Variants in SH3GL1 observed in about 807,000 individuals in gnomAD.
SH3GL1 encodes SH3 domain containing GRB2 like 1, endophilin A2, also known as endophilin-A2.
A neutral mutation model predicts 48.8 loss-of-function variants in SH3GL1; 21 were observed. That is an observed-to-expected ratio of 0.43 (90% CI 0.30 to 0.62). The LOEUF (loss-of-function observed/expected upper bound fraction) is 0.62, where lower values mean the gene tolerates loss of function less well. Among genes scored for constraint, SH3GL1 ranks in the 20% least tolerant of loss-of-function variants. The pLI is 0.11. For synonymous variants in SH3GL1, 282 were observed against 217.5 expected (o/e 1.30, Z -2.61); for missense variants, 454 against 503.0 (o/e 0.90, Z 0.93).
chr19:4,364,298 T>A, intron 4 of SH3GL1, 77 bp from the exon 5 acceptor site: 1 of 1,578,692 alleles, frequency 6.3e-7, no homozygotes, highest in South Asian at 1.1e-5. Context: ...GCCTTTGTTT[T>A]TGAAATAGCG....
intron 1 of SH3GL1, among the ~76,000 whole-genome samples, chr19:4,383,542 A>G (rs1599612553): frequency 6.6e-6 from 1 of 152,058 alleles, no homozygotes. Context: ...CTTTATGCGT[A>G]TTTCCTTAGT....
intron 9 of SH3GL1, 73 bp from the exon 10 acceptor site, chr19:4,361,869 C>G (rs966068326): frequency 1.2e-5 from 13 of 1,129,104 alleles, no homozygotes; most frequent in Non-Finnish European, 1.7e-5. Flanking sequence ...CTCAGACCTG[C>G]TGTGACCTGG....
In SH3GL1 at chr19:4,400,229, TC is replaced by T; in HGVS notation, c.45+94del. ...ACACGCGCCAACGTCCCCACCTCGGTCCCCCCGGCCCCCTCCCGGGCCAGGT... is the reference window on the plus strand; with the variant it reads ...ACACGCGCCAACGTCCCCACCTCGGTCCCCCGGCCCCCTCCCGGGCCAGGT... On this transcript the variant is annotated intron_variant, in intron 1 of 9. Transcript: ENST00000269886. The surrounding 1 kb of genome is among the most constrained non-coding windows in gnomAD (Gnocchi z 4.1). 4.4e-5 allele frequency: 60 copies of T among 1,359,700 alleles called. No homozygotes were observed. The highest frequency in any genetic ancestry group is 1.3e-4 in the Admixed American group (6 of 45,408). 84.2% of individuals were successfully genotyped at this position (1,359,700 alleles called of 1,614,324 possible). A position where few individuals can be genotyped will look rare whatever the true frequency, so the allele number is the denominator to read the frequency against.
intron 1 of SH3GL1, among the ~76,000 whole-genome samples, chr19:4,387,556 G>C (rs1973258918): frequency 6.6e-6 from 1 of 152,190 alleles, no homozygotes; most frequent in Admixed American, 6.5e-5. Context: ...CTCCCTAAGT[G>C]CTGGGATTAC....
intron 1 of SH3GL1, among the ~76,000 whole-genome samples, chr19:4,377,032 C>T (rs1267579558): frequency 3.3e-5 from 5 of 152,190 alleles, no homozygotes; most frequent in South Asian, 2.1e-4. Context: ...GGCTCGTGGA[C>T]GGTTCACCTG....
rs866045588 is a variant in SH3GL1 at position 4,396,214 on chromosome 19, T to C, written c.45+4110A>G. On this transcript the variant is annotated intron_variant, in intron 1 of 9. Coordinates refer to ENST00000269886, the MANE Select transcript of SH3GL1 (RefSeq NM_003025.4). ...GAGTTCGAGACCAGCCTGGCCAACA[T>C]GGTGAAACCCCGTCTCTACTAAAAA... 1.3e-4 allele frequency among the ~76,000 whole-genome samples: 19 copies of C among 151,950 alleles called. No individual in the cohort carries two copies. In the South Asian group the frequency reaches 3.3e-3, roughly 27 times the overall value.
At position 4,376,083 on chromosome 19, in the gene SH3GL1, G is replaced by A. The variant is rs1973003313; in HGVS notation, c.46-9089C>T. 6.6e-6 allele frequency among the ~76,000 whole-genome samples: 1 copy of A among 152,220 alleles called. No homozygotes were observed. The highest frequency in any genetic ancestry group is 1.5e-5 in the Non-Finnish European group (1 of 68,038). Reference sequence around the variant, plus strand: ...GGCATGGTGACAGCGGTGAGAGGCTGCAGGTGCACAGATCTCAACGAGGGG... The same window carrying A: ...GGCATGGTGACAGCGGTGAGAGGCTACAGGTGCACAGATCTCAACGAGGGG... On this transcript the variant is annotated intron_variant, in intron 1 of 9. Transcript: ENST00000269886. The surrounding 1 kb of genome is among the most constrained non-coding windows in gnomAD (Gnocchi z 4.3).
chr19:4,368,708 C>G (rs978065318), intron 1 of SH3GL1, among the ~76,000 whole-genome samples: 1 of 152,186 alleles, frequency 6.6e-6, no homozygotes, highest in Non-Finnish European at 1.5e-5. Context: ...GCCTCTGACC[C>G]CTGTCCCTTT....
At position 4,376,953 on chromosome 19, in the gene SH3GL1, G is replaced by A. The variant is rs565568842; in HGVS notation, c.46-9959C>T. 6.6e-6 allele frequency among the ~76,000 whole-genome samples: 1 copy of A among 152,142 alleles called. No individual in the cohort carries two copies. The highest frequency in any genetic ancestry group is 2.1e-4 in the South Asian group (1 of 4,826). ...CCCCTTGACAGCAGCTAAGCTCCGG[G>A]GGCAGCAACTCCCCGCAGTGACCCG... is the stretch of plus-strand genomic sequence containing the variant. On this transcript the variant is annotated intron_variant, in intron 1 of 9. Transcript: ENST00000269886. This position sits in a 1 kb window ranked among gnomAD's most constrained non-coding sequence, Gnocchi z 4.3.
At chr19:4,370,524 C>A (rs1318360143) in intron 1 of SH3GL1, among the ~76,000 whole-genome samples, 1 of 152,182 alleles carries the variant, frequency 6.6e-6, no homozygotes, top group African/African-American at 2.4e-5. Context: ...GCCCCCTCCC[C>A]ACTCTCCCAC....
chr19:4,373,429 T>C (rs1972941965), intron 1 of SH3GL1, among the ~76,000 whole-genome samples: 1 of 152,168 alleles, frequency 6.6e-6, no homozygotes, highest in Non-Finnish European at 1.5e-5. Flanking sequence ...CCATCAAGGC[T>C]GAATGGTTTT....
chr19:4,367,099 G>A lies in SH3GL1; in HGVS notation c.46-105C>T. 9.7e-7 allele frequency: 1 copy of A among 1,032,912 alleles called. No individual in the cohort carries two copies. Among genetic ancestry groups the A allele is most frequent in the East Asian group, 2.4e-5 (1 of 42,162 alleles). 64.0% of individuals were successfully genotyped at this position (1,032,912 alleles called of 1,614,324 possible). ...AGCCACATCGCATCCACAGCTGGAG[G>A]CAGGAGGCCAAGTGATCAGGACACA... On this transcript the variant is annotated intron_variant, in intron 1 of 9. Coordinates refer to ENST00000269886, the MANE Select transcript of SH3GL1 (RefSeq NM_003025.4). The surrounding 1 kb of genome is among the most constrained non-coding windows in gnomAD (Gnocchi z 4.2).
At chr19:4,363,501 C>G (rs781487120) in intron 6 of SH3GL1, 28 bp from the exon 7 acceptor site, 11 of 1,587,006 alleles carry the variant, frequency 6.9e-6, no homozygotes, top group Non-Finnish European at 9.5e-6. Flanking sequence ...CTCAGGGGCT[C>G]CTGCCAGTGC....
chr19:4,364,002 G>A (rs191459518), intron 5 of SH3GL1, 86 bp downstream of exon 5: 10 of 1,603,964 alleles, frequency 6.2e-6, no homozygotes, highest in Middle Eastern at 2.3e-4. Flanking sequence ...GGGCAGTGCC[G>A]AGGCTGGAGG....
At position 4,364,175 on chromosome 19, in the gene SH3GL1, C is replaced by G. The variant is rs1430268439; in HGVS notation, c.378G>C (p.Glu126Asp). The change falls in exon 5 of 10, where the codon GAG becomes GAC. Residue 126 changes from glutamate to aspartate, a missense_variant. Coordinates refer to ENST00000269886, the MANE Select transcript of SH3GL1 (RefSeq NM_003025.4). ...DAGESMKRLA[E>D]VKDSLDIEVK... ...CCTCGATGTCCAGGGAGTCCTTCAC[C>G]TCTGCCAGGCGCTTCATGGACTCGC... The G allele has an allele frequency of 1.9e-6, 3 of 1,613,826 alleles. No individual in the cohort carries two copies. The African/African-American group carries it at 4.0e-5, about 22-fold the overall frequency.
At chr19:4,377,034 G>C (rs1973022491) in intron 1 of SH3GL1, among the ~76,000 whole-genome samples, 1 of 152,200 alleles carries the variant, frequency 6.6e-6, no homozygotes, top group African/African-American at 2.4e-5. Context: ...CTCGTGGACG[G>C]TTCACCTGGG....
chr19:4,362,626 G>A lies in SH3GL1; in HGVS notation c.839C>T (p.Ala280Val), dbSNP rs563998650. ...QSNGGFPCTT[A>V]PKIAASSSFR... ...TGCCCCATTACCTGCGATCTTGGGG[G>A]CTGTGGTGCAGGGGAAGCCCCCGTT... The change falls in exon 8 of 10, where the codon GCC becomes GTC. Residue 280 changes from alanine (A) to valine (V), a missense_variant. Ala to Val is a moderately conservative substitution (Grantham distance 64, BLOSUM62 0). Around this residue, in one of 2 missense-constraint regions of SH3GL1, gnomAD observed 278 missense variants for 246.8 expected, o/e 1.13. Transcript: ENST00000269886. The A allele has an allele frequency of 1.2e-6, 2 of 1,613,760 alleles. No homozygotes were observed. Among genetic ancestry groups the A allele is most frequent in the South Asian group, 1.1e-5 (1 of 91,072 alleles).
chr19:4,385,235 C>G (rs1599614673), intron 1 of SH3GL1, among the ~76,000 whole-genome samples: 1 of 152,210 alleles, frequency 6.6e-6, no homozygotes, highest in Admixed American at 6.5e-5. Context: ...CACGCCGGCC[C>G]TGCTCTGGCT....
At chr19:4,362,766 G>T (rs1403697777) in intron 7 of SH3GL1, 30 bp from the exon 8 acceptor site, 4 of 1,612,956 alleles carry the variant, frequency 2.5e-6, no homozygotes, top group African/African-American at 2.7e-5. Context: ...AGTGGACCGA[G>T]CCCGTGTCAC....
Sources: allele counts gnomAD v4.1 joint callset (sites outside exome capture counted in the v4.1 genomes callset), GRCh38; gene constraint gnomAD v4.1.1; regional missense constraint gnomAD v4.1.1; non-coding constraint Gnocchi (gnomAD v3.1); transcripts MANE v1.5; gene names NCBI Gene and HGNC (gene_info 2026-07-23, HGNC 2026-07-21).